The following PASK variants were observed in gnomAD, a reference collection of about 807,000 sequenced individuals.
PASK encodes PAS domain containing serine/threonine kinase.
In PASK, 110 loss-of-function variants were observed where a neutral mutation model predicts 121.0. The ratio of observed to expected loss-of-function variants is 0.91; its 90% CI spans 0.78 to 1.06. The LOEUF (loss-of-function observed/expected upper bound fraction) is 1.06, where lower values mean the gene tolerates loss of function less well. Among genes scored for constraint, PASK ranks in the 50% least tolerant of loss-of-function variants. PASK has a pLI of 0.00. For synonymous variants in PASK, 686 were observed against 717.8 expected (o/e 0.96, Z 0.71); for missense variants, 1,643 against 1,702.3 (o/e 0.97, Z 0.61).
chr2:241,133,986 A>C (rs1469305439), intron 8 of PASK: 2 of 106,586 alleles, frequency 1.9e-5, no homozygotes, highest in African/African-American at 8.8e-5. Flanking sequence ...CTGTCTCAAA[A>C]AAAAAAAAAA....
intron 9 of PASK, among the ~76,000 whole-genome samples, chr2:241,129,836 T>C (rs1296867603): frequency 6.6e-6 from 1 of 152,210 alleles, no homozygotes; most frequent in Non-Finnish European, 1.5e-5. Context: ...CCAGGGACCG[T>C]AGGTCCTCCA....
chr2:241,123,820 G>GAAA, intron 11 of PASK, 129 bp downstream of exon 11: 8 of 671,130 alleles, frequency 1.2e-5, no homozygotes, highest in Admixed American at 2.9e-5. Flanking sequence ...CTCCGTCCCA[G>GAAA]AAAAAAAAAA....
At chr2:241,113,597 G>T in intron 14 of PASK, 2 of 401,506 alleles carry the variant, frequency 5.0e-6, no homozygotes, top group Non-Finnish European at 3.4e-6. Flanking sequence ...ATACAAATCA[G>T]TCAGGATCCA....
intron 9 of PASK, among the ~76,000 whole-genome samples, chr2:241,130,001 G>A (rs990614475): frequency 1.3e-5 from 2 of 152,190 alleles, no homozygotes; most frequent in African/African-American, 4.8e-5. Flanking sequence ...TACACTCCCA[G>A]GATTACCAGG....
At chr2:241,114,483 C>T (rs1210116665) in intron 14 of PASK, 1 of 998,522 alleles carries the variant, frequency 1.0e-6, no homozygotes, top group Non-Finnish European at 1.2e-6. Context: ...CCGTTTCTTC[C>T]CCCTGTCCCT....
chr2:241,119,912 TGG>T (rs1165953180), intron 12 of PASK, among the ~76,000 whole-genome samples: 1 of 152,032 alleles, frequency 6.6e-6, no homozygotes, highest in Non-Finnish European at 1.5e-5. Flanking sequence ...TCCCCACGGG[TGG>T]GGGAACATGT....
chr2:241,139,307 T>TC (rs1260459849), intron 4 of PASK, among the ~76,000 whole-genome samples: 2 of 151,994 alleles, frequency 1.3e-5, no homozygotes, highest in East Asian at 3.9e-4. Flanking sequence ...CCAACGCTAC[T>TC]CCCCCAGTCC....
intron 4 of PASK, chr2:241,139,425 G>A (rs1049430809): frequency 1.1e-5 from 5 of 439,700 alleles, no homozygotes; most frequent in African/African-American, 1.0e-4. Context: ...CAACATCCAG[G>A]TTGGACACAT....
At chr2:241,123,913 G>A in intron 11 of PASK, 36 bp downstream of exon 11, 4 of 1,567,030 alleles carry the variant, frequency 2.6e-6, no homozygotes, top group Non-Finnish European at 3.5e-6. Flanking sequence ...ACAGTACAAG[G>A]CAAGTCCAGG....
intron 9 of PASK, 115 bp downstream of exon 9, chr2:241,132,759 G>T: frequency 1.1e-6 from 1 of 902,670 alleles, no homozygotes; most frequent in Non-Finnish European, 1.8e-6. Flanking sequence ...ACACATGTGA[G>T]TTTTCAATGT....
chr2:241,138,795 C>T lies in PASK; in HGVS notation c.601-1G>A, dbSNP rs547659886. ...CCCCACTACGGCTGATGATGTCCACCTGTGGAAACAGACAGGTTCACACCT... is the reference window on the plus strand; with the variant it reads ...CCCCACTACGGCTGATGATGTCCACTTGTGGAAACAGACAGGTTCACACCT... On this transcript the variant is annotated splice_acceptor_variant, in intron 4 of 17. Transcript: ENST00000234040. LOFTEE classifies it high-confidence loss of function. 6 of 1,613,968 alleles carry T rather than the reference C, an allele frequency of 3.7e-6. 1 individual carries two copies. In the South Asian group the frequency reaches 4.4e-5, roughly 12 times the overall value.
intron 2 of PASK, 192 bp from the exon 3 acceptor site, chr2:241,140,945 C>A: frequency 1.6e-6 from 1 of 635,782 alleles, no homozygotes. Context: ...TAGGCAACCA[C>A]CAGGTCCACT....
chr2:241,146,312 C>A (rs2066951384), intron 1 of PASK, among the ~76,000 whole-genome samples: 1 of 152,108 alleles, frequency 6.6e-6, no homozygotes, highest in Non-Finnish European at 1.5e-5. Context: ...TCAAGTGAAA[C>A]ATTTGTCTAT....
Position 241,140,028 on chromosome 2 carries a change from C to A in PASK, c.457G>T (p.Gly153Trp). The A allele has an allele frequency of 6.2e-7, 1 of 1,614,006 alleles. No homozygotes were observed. Reference sequence around the variant, plus strand: ...TCCTGGCTGCTGTACCCCAGGAGCCCGCAAGCTTTGTCGTTAGCAACCAGG... The same window carrying A: ...TCCTGGCTGCTGTACCCCAGGAGCCAGCAAGCTTTGTCGTTAGCAACCAGG... ...EILVANDKAC[G>W]LLGYSSQDLI... Residue 153 changes from glycine to tryptophan, a missense_variant, in exon 4 of 18, where the codon GGG (glycine) becomes TGG (tryptophan). Around this residue, in one of 3 missense-constraint regions of PASK, gnomAD observed 1,176 missense variants for 1,162.2 expected, o/e 1.01. Coordinates refer to ENST00000234040, the MANE Select transcript of PASK (RefSeq NM_015148.4).
rs182222170 is a variant in PASK, at chr2:241,122,202, T to C, written c.3072+530A>G. ...GATCTAAGATACCACCTTAGGAAAA[T>C]AGAAGAAGAAAATAAAATTAAATCC... is the stretch of plus-strand genomic sequence containing the variant. On this transcript the variant is annotated intron_variant, in intron 12 of 17. Transcript: ENST00000234040. Among the ~76,000 whole-genome samples, 227 of 150,018 alleles carry C rather than the reference T, an allele frequency of 1.5e-3. 1 individual carries two copies. Among genetic ancestry groups the C allele is most frequent in the African/African-American group, 5.2e-3 (213 of 40,790 alleles).
chr2:241,138,824 T>C (rs992164672), intron 4 of PASK, 30 bp from the exon 5 acceptor site: 11 of 1,612,686 alleles, frequency 6.8e-6, no homozygotes, highest in Admixed American at 1.7e-5. Flanking sequence ...CACACCTGCA[T>C]GCCATGAACC....
rs531076347 is a variant in PASK, at chr2:241,107,218, G to C, written c.3814+135C>G. 9.7e-6 allele frequency: 8 copies of C among 827,880 alleles called. No individual in the cohort carries two copies. In the African/African-American group the frequency reaches 1.2e-4, roughly 12 times the overall value. The allele number at this position is 827,880 out of a possible 1,614,324, so 51.3% of individuals were successfully genotyped here. A position where few individuals can be genotyped will look rare whatever the true frequency, so the allele number is the denominator to read the frequency against. ...TCTCACAGGTGACAGGTCAGCTATA[G>C]GCCCTGACATTTGTGTCCAAGACAG... On this transcript the variant is annotated intron_variant, in intron 17 of 17. Coordinates refer to ENST00000234040, the MANE Select transcript of PASK (RefSeq NM_015148.4).
rs540646626 is a variant in PASK at position 241,126,087 on chromosome 2, C to T, written c.2719+109G>A. On this transcript the variant is annotated intron_variant, in intron 10 of 17. Transcript: ENST00000234040. ...CTTGAAAACATGATTTCTGCTAACA[C>T]TATTCCAGGGTGAAACCCCATCAGA... The T allele has an allele frequency of 8.7e-6, 8 of 922,274 alleles. No homozygotes were observed. In the East Asian group the frequency reaches 1.8e-4, roughly 20 times the overall value. The allele number at this position is 922,274 out of a possible 1,614,324, so 57.1% of individuals were successfully genotyped here.
Position 241,136,094 on chromosome 2 carries a change from G to A in PASK, c.1138-55C>T. The A allele has an allele frequency of 2.7e-6, 4 of 1,465,514 alleles. No individual in the cohort carries two copies. The South Asian group carries it at 4.6e-5, about 17-fold the overall frequency. 90.8% of individuals were successfully genotyped at this position (1,465,514 alleles called of 1,614,324 possible). The stretch of plus-strand genomic sequence containing the variant: ...CCTGGAGGATCCACGCTGACCCACT[G>A]GACCGTCCCCCTGGGGGAGGAATGA... On this transcript the variant is annotated intron_variant, in intron 7 of 17. Coordinates refer to ENST00000234040, the MANE Select transcript of PASK (RefSeq NM_015148.4).
Sources: gnomAD v4.1 joint callset for allele counts (sites outside exome capture counted in the v4.1 genomes callset) on GRCh38, gnomAD v4.1.1 for gene constraint, gnomAD v4.1.1 regional missense constraint, MANE v1.5 for transcripts, NCBI Gene and HGNC (gene_info 2026-07-23, HGNC 2026-07-21) for gene names.